TBCD: variants seen among roughly 807,000 people sequenced by gnomAD.
TBCD encodes the protein tubulin folding cofactor D.
A neutral mutation model predicts 169.3 loss-of-function variants in TBCD; 105 were observed. The ratio of observed to expected loss-of-function variants is 0.62; its 90% confidence interval spans 0.53 to 0.73. The LOEUF is 0.73. TBCD is among the 30% of genes least tolerant of loss of function. TBCD has a pLI of 0.00. For missense variants in TBCD, 1,444 were observed against 1,600.1 expected (o/e 0.90, Z 1.66); for synonymous variants, 700 against 643.9 (o/e 1.09, Z -1.32).
Position 82,789,772 on chromosome 17 carries a change from G to A in TBCD, c.772-7985G>A, listed in dbSNP as rs960017084. On this transcript the variant is annotated intron_variant, in intron 7 of 38. Coordinates refer to ENST00000355528, the MANE Select transcript of TBCD (RefSeq NM_005993.5). The surrounding 1 kb of genome is among the most constrained non-coding windows in gnomAD (Gnocchi z 4.8). ...TACCTGATTTCTGTCCTTGGTTCTC[G>A]AGCCCTCCTTCTGTGGACCCGTTGG... Among the ~76,000 whole-genome samples, 6 of 152,078 alleles carry A rather than the reference G, an allele frequency of 3.9e-5. No individual in the cohort carries two copies. The highest frequency in any genetic ancestry group is 9.7e-5 in the African/African-American group (4 of 41,402).
At chr17:82,828,647 C>T (rs2053171599) in intron 13 of TBCD, among the ~76,000 whole-genome samples, 2 of 151,928 alleles carry the variant, frequency 1.3e-5, no homozygotes, top group Non-Finnish European at 2.9e-5. Context: ...AATGCGCACA[C>T]ACCTGCAGAT....
At position 82,889,366 on chromosome 17, in the gene TBCD, G is replaced by C. The variant is rs529619468; in HGVS notation, c.1534-302G>C. The stretch of plus-strand genomic sequence containing the variant: ...GGGCTTTGATTTAACCTGCCTGTCT[G>C]TCTCTCTGAGTTGACAGCCGGGGCC... On this transcript the variant is annotated intron_variant, in intron 15 of 38. Transcript: ENST00000355528. This position sits in a 1 kb window ranked among gnomAD's most constrained non-coding sequence, Gnocchi z 5.3. 2.8e-4 allele frequency among the ~76,000 whole-genome samples: 42 copies of C among 152,294 alleles called. No individual in the cohort carries two copies. In the South Asian group the frequency reaches 6.4e-3, roughly 23 times the overall value.
chr17:82,929,862 T>G (rs959931123), intron 32 of TBCD: 6 of 406,786 alleles, frequency 1.5e-5, no homozygotes, highest in Non-Finnish European at 2.8e-5. Flanking sequence ...CCCTCCACTT[T>G]CAGGGCTCCA....
At chr17:82,941,790 A>G (rs2063305349) in intron 38 of TBCD, 1 of 415,186 alleles carries the variant, frequency 2.4e-6, no homozygotes, top group Non-Finnish European at 4.3e-6. Context: ...TTGTGCTCCA[A>G]GTGCCAAGAG....
intron 13 of TBCD, among the ~76,000 whole-genome samples, chr17:82,852,001 C>T (rs965951221): frequency 2.6e-5 from 4 of 152,184 alleles, no homozygotes; most frequent in African/African-American, 7.2e-5. Context: ...TTTGTTGAGA[C>T]GCAATTCACA....
chr17:82,789,196 C>G lies in TBCD; in HGVS notation c.771+7475C>G, dbSNP rs767392395. 6.6e-6 allele frequency among the ~76,000 whole-genome samples: 1 copy of G among 152,166 alleles called. No individual in the cohort carries two copies. Among genetic ancestry groups the G allele is most frequent in the African/African-American group, 2.4e-5 (1 of 41,432 alleles). On this transcript the variant is annotated intron_variant, in intron 7 of 38. Transcript: ENST00000355528. The surrounding 1 kb of genome is among the most constrained non-coding windows in gnomAD (Gnocchi z 4.8). Reference sequence around the variant, plus strand: ...CCAGGCCACGCTGGTTCGGTCTCCTCGTGGCGTTAAGGAAAGACCTGGAGC... The same window carrying G: ...CCAGGCCACGCTGGTTCGGTCTCCTGGTGGCGTTAAGGAAAGACCTGGAGC...
intron 34 of TBCD, among the ~76,000 whole-genome samples, chr17:82,935,822 T>G (rs1190736898): frequency 6.6e-6 from 1 of 152,248 alleles, no homozygotes; most frequent in African/African-American, 2.4e-5. Context: ...TTGTCTCTCA[T>G]CACTTACTGC....
intron 10 of TBCD, among the ~76,000 whole-genome samples, chr17:82,807,223 G>C (rs1351190584): frequency 6.6e-6 from 1 of 152,274 alleles, no homozygotes; most frequent in African/African-American, 2.4e-5. Flanking sequence ...CCCTGGGAGA[G>C]ACGTCTTCGT....
intron 13 of TBCD, among the ~76,000 whole-genome samples, chr17:82,847,920 G>A (rs778323623): frequency 1.2e-4 from 19 of 152,204 alleles, no homozygotes; most frequent in East Asian, 1.9e-4. Flanking sequence ...GTGAGCCACC[G>A]GGCCGGGCCC....
chr17:82,876,157 C>T (rs1179856469), intron 14 of TBCD, among the ~76,000 whole-genome samples: 1 of 152,030 alleles, frequency 6.6e-6, no homozygotes, highest in Admixed American at 6.5e-5. Flanking sequence ...CTGTACCTGC[C>T]GAAAATGAGG....
In TBCD at chr17:82,789,452, C is replaced by T. The variant is rs553033270; in HGVS notation, c.771+7731C>T. Among the ~76,000 whole-genome samples, 1 of 152,320 alleles carries T rather than the reference C, an allele frequency of 6.6e-6. No individual in the cohort carries two copies. The highest frequency in any genetic ancestry group is 6.5e-5 in the Admixed American group (1 of 15,298). On this transcript the variant is annotated intron_variant, in intron 7 of 38. Coordinates refer to ENST00000355528, the MANE Select transcript of TBCD (RefSeq NM_005993.5). This position sits in a 1 kb window ranked among gnomAD's most constrained non-coding sequence, Gnocchi z 4.8. ...GGGGCTTGGCGGGTCACCAGCCTCA[C>T]CCCGCTCAGTTCTTAGATGAGGAAG...
At chr17:82,910,060 C>T (rs1366804024) in intron 22 of TBCD, among the ~76,000 whole-genome samples, 1 of 152,252 alleles carries the variant, frequency 6.6e-6, no homozygotes, top group East Asian at 1.9e-4. Context: ...CTCACCAGCC[C>T]AGGCTCATCT....
Position 82,939,404 on chromosome 17 carries a change from T to C in TBCD, c.3407T>C (p.Leu1136Ser), listed in dbSNP as rs2062928467. 1 of 1,613,340 alleles carries C rather than the reference T, an allele frequency of 6.2e-7. No individual in the cohort carries two copies. The highest frequency in any genetic ancestry group is 1.3e-5 in the African/African-American group (1 of 74,920). ...KTTASQVYET[L>S]LTYSDVVGAD... ...ACGGCCAGCCAGGTGTACGAGACAT[T>C]GCTCACCTACAGTGACGTCGTGGGC... is the stretch of plus-strand genomic sequence containing the variant. The change falls in exon 37 of 39, where the codon TTG (leucine) becomes TCG (serine). Residue 1136 changes from leucine (L) to serine (S), a missense_variant. Leu to Ser is a moderately radical substitution (Grantham distance 145, BLOSUM62 -2). Transcript: ENST00000355528.
At chr17:82,803,609 C>T (rs1465918359) in intron 9 of TBCD, among the ~76,000 whole-genome samples, 3 of 152,186 alleles carry the variant, frequency 2.0e-5, no homozygotes, top group East Asian at 1.9e-4. Context: ...AGTACCCCTG[C>T]GGGGAGGAGG....
intron 6 of TBCD, among the ~76,000 whole-genome samples, chr17:82,780,155 C>T (rs1258644707): frequency 1.6e-5 from 1 of 62,938 alleles, no homozygotes; most frequent in Non-Finnish European, 4.0e-5. Flanking sequence ...CGCGAGTTCC[C>T]TTGGCTCCCT....
At chr17:82,791,033 T>A (rs2049684675) in intron 7 of TBCD, among the ~76,000 whole-genome samples, 1 of 151,926 alleles carries the variant, frequency 6.6e-6, no homozygotes, top group African/African-American at 2.4e-5. Context: ...CTGCATACAA[T>A]TCTATTTTGT....
At position 82,903,349 on chromosome 17, in the gene TBCD, A is replaced by T; in HGVS notation, c.1731-56A>T. On this transcript the variant is annotated intron_variant, in intron 18 of 38. Transcript: ENST00000355528. This position sits in a 1 kb window ranked among gnomAD's most constrained non-coding sequence, Gnocchi z 4.8. ...TCCCTCACTTTCTTTTTATGAATTG[A>T]ATAAAGCTAGAATCATAAAATGAAG... 2.0e-6 allele frequency: 3 copies of T among 1,500,140 alleles called. No homozygotes were observed. The allele number at this position is 1,500,140 out of a possible 1,614,324, so 92.9% of individuals were successfully genotyped here.
intron 5 of TBCD, 135 bp downstream of exon 5, chr17:82,768,701 T>C: frequency 1.1e-6 from 1 of 940,422 alleles, no homozygotes; most frequent in South Asian, 1.8e-5. Flanking sequence ...TAAAATCCCA[T>C]AGGATAACTT....
At chr17:82,761,182 T>TTGAACTCC (rs1405884038) in intron 2 of TBCD, among the ~76,000 whole-genome samples, 2 of 152,206 alleles carry the variant, frequency 1.3e-5, no homozygotes, top group Non-Finnish European at 2.9e-5. Context: ...CAGGCTTGTC[T>TTGAACTCC]TGAACTCCTG....
Sources: gnomAD v4.1 joint callset for allele counts (sites outside exome capture counted in the v4.1 genomes callset) on GRCh38, gnomAD v4.1.1 for gene constraint, Gnocchi (gnomAD v3.1) non-coding constraint, MANE v1.5 for transcripts, NCBI Gene and HGNC (gene_info 2026-07-23, HGNC 2026-07-21) for gene names.